The following TMEM106A variants were observed in gnomAD, a reference collection of about 807,000 sequenced individuals.
TMEM106A encodes transmembrane protein 106A.
Under a neutral mutation model 25.1 loss-of-function variants are expected in TMEM106A, and 22 were observed. The ratio of observed to expected loss-of-function variants is 0.88; its 90% CI spans 0.63 to 1.25. The LOEUF is 1.25. Ranked by LOEUF, TMEM106A falls within the 50% of genes most tolerant of loss-of-function variation. The pLI is 0.00. For synonymous variants in TMEM106A, 104 were observed against 129.9 expected (o/e 0.80, Z 1.35); for missense variants, 275 against 318.1 (o/e 0.86, Z 1.03).
chr17:43,215,711 T>C, intron 4 of TMEM106A, 77 bp from the exon 5 acceptor site: 1 of 1,494,988 alleles, frequency 6.7e-7, no homozygotes, highest in Non-Finnish European at 9.2e-7. Context: ...TGGAGAGGAG[T>C]GTCTGAACCC....
At position 43,217,835 on chromosome 17, in the gene TMEM106A, A is replaced by T. The variant is rs1346909927; in HGVS notation, c.*34A>T. On this transcript the variant is annotated 3_prime_UTR_variant, in exon 9 of 9. Transcript: ENST00000612339. ...CTGTCCCTGTACTCCAGGCACCTGC[A>T]ACCCTGGTCTATATCTCCCACAACT... The T allele has an allele frequency of 2.5e-6, 4 of 1,613,210 alleles. No individual in the cohort carries two copies. The African/African-American group carries it at 5.3e-5, about 22-fold the overall frequency.
chr17:43,215,303 T>A (rs1405777818), intron 4 of TMEM106A, among the ~76,000 whole-genome samples: 1 of 152,094 alleles, frequency 6.6e-6, no homozygotes, highest in Non-Finnish European at 1.5e-5. Context: ...CAAAGTACTA[T>A]CTCTTTAATG....
At chr17:43,214,463 G>T (rs1321078722) in intron 4 of TMEM106A, among the ~76,000 whole-genome samples, 1 of 152,116 alleles carries the variant, frequency 6.6e-6, no homozygotes, top group Non-Finnish European at 1.5e-5. Context: ...GTTCAGATTT[G>T]CTTGTTTTTC....
At chr17:43,213,275 A>T (rs757384257) in intron 3 of TMEM106A, 23 bp downstream of exon 3, 1 of 1,612,372 alleles carries the variant, frequency 6.2e-7, no homozygotes, top group Non-Finnish European at 8.5e-7. Context: ...AGGCTCTGGA[A>T]ATAGCCTGGA....
At chr17:43,217,017 C>G in intron 7 of TMEM106A, 1 of 625,372 alleles carries the variant, frequency 1.6e-6, no homozygotes, top group Non-Finnish European at 2.8e-6. Context: ...AATGTTTTGT[C>G]TGTCTCCTGA....
chr17:43,215,858 C>T lies in TMEM106A; in HGVS notation c.346C>T (p.Pro116Ser). 6.2e-7 allele frequency: 1 copy of T among 1,613,982 alleles called. No homozygotes were observed. The highest frequency in any genetic ancestry group is 8.5e-7 in the Non-Finnish European group (1 of 1,179,908). Residue 116 changes from proline to serine, a missense_variant, in exon 5 of 9, where the codon CCC (proline) becomes TCC (serine). Physicochemically the swap from Pro to Ser is moderately conservative, Grantham distance 74 (BLOSUM62 -1). Transcript: ENST00000612339. The part of the protein sequence containing the change: ...TSSFIVFFLF[P>S]RSVIVQPAGL... ...CTCCTTCATCGTCTTTTTCCTGTTT[C>T]CCCGGTCCGTCATTGTGCAGCCTGC...
At chr17:43,213,382 C>A in intron 3 of TMEM106A, 130 bp downstream of exon 3, 1 of 937,610 alleles carries the variant, frequency 1.1e-6, no homozygotes, top group Non-Finnish European at 1.6e-6. Flanking sequence ...CTCCCAGTCT[C>A]AGGCTGGCCA....
intron 8 of TMEM106A, 139 bp downstream of exon 8, chr17:43,217,451 C>G (rs1250265858): frequency 1.2e-5 from 16 of 1,303,516 alleles, no homozygotes; most frequent in Non-Finnish European, 1.6e-5. Flanking sequence ...AGTCTAGCCC[C>G]TTTTCTGAGT....
chr17:43,217,045 G>C (rs2057493172), intron 7 of TMEM106A: 1 of 639,284 alleles, frequency 1.6e-6, no homozygotes, highest in Non-Finnish European at 2.8e-6. Context: ...TCCAGCATGT[G>C]CCTGGGCCAA....
chr17:43,213,366 C>A, intron 3 of TMEM106A, 114 bp downstream of exon 3: 1 of 1,100,444 alleles, frequency 9.1e-7, no homozygotes. Flanking sequence ...GCTCCCAGCT[C>A]TTGACCTCCC....
At chr17:43,213,505 A>G (rs2057456262) in intron 3 of TMEM106A, among the ~76,000 whole-genome samples, 1 of 152,226 alleles carries the variant, frequency 6.6e-6, no homozygotes, top group African/African-American at 2.4e-5. Flanking sequence ...CTTCTGAGCA[A>G]CACTGTGTGT....
chr17:43,214,237 A>C (rs1024365808), intron 4 of TMEM106A, among the ~76,000 whole-genome samples: 13 of 151,682 alleles, frequency 8.6e-5, no homozygotes, highest in African/African-American at 1.2e-4. Flanking sequence ...GAAAGAAAGA[A>C]AAAAGCAGCA....
chr17:43,216,811 T>C, intron 7 of TMEM106A, 71 bp downstream of exon 7: 1 of 1,592,170 alleles, frequency 6.3e-7, no homozygotes, highest in Non-Finnish European at 8.6e-7. Context: ...ACCCACCAGC[T>C]TTCCTGATTG....
At chr17:43,212,974 G>A (rs2057448527) in intron 2 of TMEM106A, 47 bp from the exon 3 acceptor site, 16 of 1,484,286 alleles carry the variant, frequency 1.1e-5, no homozygotes, top group Non-Finnish European at 1.5e-5. Context: ...TACATCTGGC[G>A]TCAGTGCTAA....
chr17:43,212,035 T>G (rs190010303), intron 1 of TMEM106A, 113 bp downstream of exon 1: 2 of 152,608 alleles, frequency 1.3e-5, no homozygotes, highest in African/African-American at 4.8e-5. Context: ...GTACCAAGCT[T>G]GACTAACGGC....
intron 7 of TMEM106A, 93 bp from the exon 8 acceptor site, chr17:43,217,166 G>A (rs1425944096): frequency 5.4e-6 from 7 of 1,303,208 alleles, no homozygotes; most frequent in Non-Finnish European, 6.7e-6. Context: ...AGAGTTCTGT[G>A]GGGTAAGGAA....
chr17:43,214,090 C>T (rs1479965461), intron 4 of TMEM106A, 199 bp downstream of exon 4: 2 of 540,064 alleles, frequency 3.7e-6, no homozygotes, highest in Non-Finnish European at 6.5e-6. Context: ...GTGGCTCATG[C>T]CTGTAATCCC....
At chr17:43,212,916 A>T in intron 2 of TMEM106A, 105 bp from the exon 3 acceptor site, 2 of 813,060 alleles carry the variant, frequency 2.5e-6, no homozygotes, top group Non-Finnish European at 4.0e-6. Context: ...GAGCTTGCTT[A>T]AACTGTGGTG....
intron 4 of TMEM106A, among the ~76,000 whole-genome samples, chr17:43,214,892 G>A (rs551424374): frequency 1.3e-5 from 2 of 151,500 alleles, no homozygotes; most frequent in African/African-American, 4.9e-5. Context: ...CCCAGGAGGT[G>A]GAGGCTTCAG....
Sources: allele counts gnomAD v4.1 joint callset (sites outside exome capture counted in the v4.1 genomes callset), GRCh38; gene constraint gnomAD v4.1.1; transcripts MANE v1.5; gene names NCBI Gene and HGNC (gene_info 2026-07-23, HGNC 2026-07-21).